The following GSDMC variants were observed in gnomAD, a reference collection of about 807,000 sequenced individuals.
The protein encoded by GSDMC is gasdermin C, also known as gasdermin-C.
A neutral mutation model predicts 58.0 loss-of-function variants in GSDMC; 59 were observed. The ratio of observed to expected loss-of-function variants is 1.02; its 90% CI spans 0.82 to 1.26. The LOEUF (loss-of-function observed/expected upper bound fraction) is 1.26. GSDMC is among the 50% of genes most tolerant of loss of function. The probability of loss-of-function intolerance (pLI) is 0.00; values close to 1 mark genes in which losing one functional copy is unlikely to be tolerated. For missense variants in GSDMC, 659 were observed against 598.5 expected, an observed-to-expected ratio of 1.10 and a Z score of -1.06; for synonymous variants, 241 against 220.2, an observed-to-expected ratio of 1.09 and a Z score of -0.83.
chr8:129,766,349 T>C (rs919317367), intron 3 of GSDMC, among the ~76,000 whole-genome samples: 1 of 152,178 alleles, frequency 6.6e-6, no homozygotes, highest in Non-Finnish European at 1.5e-5. Context: ...GATATATGAA[T>C]GGTTTGAAGT....
chr8:129,753,877 C>G (rs1435996373), intron 6 of GSDMC, among the ~76,000 whole-genome samples: 3 of 152,044 alleles, frequency 2.0e-5, no homozygotes, highest in Non-Finnish European at 4.4e-5. Flanking sequence ...CCTCATGGGC[C>G]GGTGGTAATG....
chr8:129,729,009 G>A, the GSDMC span: 392 of 658,032 alleles, frequency 6.0e-4, 2 homozygotes, highest in African/African-American at 6.4e-3. Context: ...GCTGCACGAT[G>A]AGGATGAAAA....
chr8:129,777,500 C>T lies in GSDMC; in HGVS notation c.88G>A (p.Ala30Thr). Residue 30 changes from alanine (A) to threonine (T), a missense_variant, in exon 2 of 14, where the codon GCC becomes ACC. By Grantham distance (58) the Ala-to-Thr change is moderately conservative. Coordinates refer to ENST00000276708, the MANE Select transcript of GSDMC (RefSeq NM_031415.3). ...DLTPVKYLLS[A>T]TKLRQFVILR... ...ATAACAAACTGACGTAATTTGGTGG[C>T]ACTCAATAGGTATTTGACAGGTGTC... is the stretch of plus-strand genomic sequence containing the variant. 6.2e-7 allele frequency: 1 copy of T among 1,613,044 alleles called. No homozygotes were observed. The highest frequency in any genetic ancestry group is 1.1e-5 in the South Asian group (1 of 91,060).
chr8:129,776,207 C>G lies in GSDMC; in HGVS notation c.299G>C (p.Gly100Ala). The change falls in exon 3 of 14, where the codon GGT (glycine) becomes GCT (alanine). Residue 100 changes from glycine (G) to alanine (A), a missense_variant. Coordinates refer to ENST00000276708, the MANE Select transcript of GSDMC (RefSeq NM_031415.3). ...CTCCCCTGACACACTCACTTCTATA[C>G]CAACATTCACACCCATGTCAGCCTT... The part of the protein sequence containing the change: ...KHKADMGVNV[G>A]IEVSVSGEAS... The G allele has an allele frequency of 6.2e-7, 1 of 1,613,728 alleles. No individual in the cohort carries two copies. Among genetic ancestry groups the G allele is most frequent in the East Asian group, 2.2e-5 (1 of 44,884 alleles).
chr8:129,769,109 G>A (rs887106077), intron 3 of GSDMC, among the ~76,000 whole-genome samples: 12 of 151,588 alleles, frequency 7.9e-5, no homozygotes, highest in African/African-American at 2.7e-4. Context: ...GAGGAGAGGA[G>A]AGGAGAGGAA....
Position 129,765,639 on chromosome 8 carries a change from T to C in GSDMC, c.559A>G (p.Thr187Ala), listed in dbSNP as rs1316416759. Residue 187 changes from threonine to alanine, a missense_variant, in exon 4 of 14, where the codon ACC becomes GCC. Thr to Ala is a moderately conservative substitution (Grantham distance 58). Transcript: ENST00000276708. ...NILGKIALWI[T>A]YGKGQGQGES... ...GGACAACTTTATACCTTGCCATAGGTAATCCAAAGAGCAATTTTCCCTAAA... is the reference window on the plus strand; with the variant it reads ...GGACAACTTTATACCTTGCCATAGGCAATCCAAAGAGCAATTTTCCCTAAA... The C allele has an allele frequency of 6.2e-7, 1 of 1,613,014 alleles. No homozygotes were observed. The highest frequency in any genetic ancestry group is 1.7e-5 in the Admixed American group (1 of 60,020).
At chr8:129,772,652 GC>G (rs1363825703) in intron 3 of GSDMC, among the ~76,000 whole-genome samples, 1 of 152,128 alleles carries the variant, frequency 6.6e-6, no homozygotes, top group Non-Finnish European at 1.5e-5. Context: ...GAAAAAACAT[GC>G]CCATGACCAA....
chr8:129,726,156 C>T, the GSDMC span, among the ~76,000 whole-genome samples: 1 of 152,206 alleles, frequency 6.6e-6, no homozygotes, highest in African/African-American at 2.4e-5. Flanking sequence ...CAAGGCATGG[C>T]TTTTCTGAAA....
chr8:129,726,356 C>A, the GSDMC span, among the ~76,000 whole-genome samples: 1 of 152,062 alleles, frequency 6.6e-6, no homozygotes, highest in African/African-American at 2.4e-5. Flanking sequence ...GTTAACCCAG[C>A]AAGGAGAAAG....
At chr8:129,734,562 TA>T in the GSDMC span, among the ~76,000 whole-genome samples, 1 of 152,180 alleles carries the variant, frequency 6.6e-6, no homozygotes, top group Admixed American at 6.5e-5. Context: ...CAGAATTTCA[TA>T]TCCAGCCAAA....
chr8:129,780,241 C>A (rs1307800778), intron 1 of GSDMC, among the ~76,000 whole-genome samples: 2 of 152,108 alleles, frequency 1.3e-5, no homozygotes, highest in Non-Finnish European at 2.9e-5. Flanking sequence ...AAAGGGAGAA[C>A]TTCCCAAAGC....
intron 12 of GSDMC, 68 bp from the exon 13 acceptor site, chr8:129,749,593 C>G: frequency 8.8e-7 from 1 of 1,135,712 alleles, no homozygotes; most frequent in Non-Finnish European, 1.3e-6. Flanking sequence ...CACCATAAAG[C>G]AGGAGACCCC....
chr8:129,762,766 G>T, intron 4 of GSDMC, 35 bp from the exon 5 acceptor site: 1 of 1,415,650 alleles, frequency 7.1e-7, no homozygotes, highest in Non-Finnish European at 1.0e-6. Context: ...AGTATTAAAT[G>T]TATGTAATTT....
At chr8:129,716,784 A>T in the GSDMC span, among the ~76,000 whole-genome samples, 1 of 152,206 alleles carries the variant, frequency 6.6e-6, no homozygotes, top group Non-Finnish European at 1.5e-5. Context: ...ATTCTGAGAT[A>T]CATTCCATCA....
the GSDMC span, among the ~76,000 whole-genome samples, chr8:129,731,231 G>C: frequency 1.3e-5 from 2 of 152,190 alleles, no homozygotes; most frequent in African/African-American, 4.8e-5. Flanking sequence ...CCTTGGAAGG[G>C]GCTCCTCTTC....
intron 3 of GSDMC, among the ~76,000 whole-genome samples, chr8:129,773,735 G>A (rs190199505): frequency 9.1e-4 from 135 of 147,746 alleles, no homozygotes; most frequent in African/African-American, 3.1e-3. Context: ...GCAGTGAGCC[G>A]AGATCACGCC....
the GSDMC span, among the ~76,000 whole-genome samples, chr8:129,718,781 C>A: frequency 6.6e-6 from 1 of 152,182 alleles, no homozygotes; most frequent in Non-Finnish European, 1.5e-5. Context: ...TGGAATCAAC[C>A]CAAATGCCCA....
chr8:129,707,267 C>T, the GSDMC span: 1 of 151,908 alleles, frequency 6.6e-6, no homozygotes, highest in African/African-American at 2.4e-5. Flanking sequence ...ATTGGATAAG[C>T]CCTGAATGCA....
the GSDMC span, among the ~76,000 whole-genome samples, chr8:129,732,109 T>C: frequency 1.3e-5 from 2 of 151,200 alleles, no homozygotes; most frequent in African/African-American, 2.4e-5. Context: ...CCACAAGGGG[T>C]TCTCTCTCAG....
Sources: gnomAD v4.1 joint callset for allele counts (sites outside exome capture counted in the v4.1 genomes callset) on GRCh38, gnomAD v4.1.1 for gene constraint, MANE v1.5 for transcripts, NCBI Gene and HGNC (gene_info 2026-07-23, HGNC 2026-07-21) for gene names.